The following AP4E1 variants were observed in gnomAD, a reference collection of about 807,000 sequenced individuals.
AP4E1 encodes the protein adaptor related protein complex 4 subunit epsilon 1.
Under a neutral mutation model 128.2 loss-of-function variants are expected in AP4E1, and 56 were observed. The observed-to-expected ratio is 0.44, with a 90% CI of 0.35 to 0.55. The LOEUF (loss-of-function observed/expected upper bound fraction) is 0.55. Among genes scored for constraint, AP4E1 ranks in the 20% least tolerant of loss-of-function variants. The pLI is 0.00. For synonymous variants in AP4E1, 484 were observed against 473.1 expected (o/e 1.02, Z -0.30); for missense variants, 1,324 against 1,307.7 (o/e 1.01, Z -0.19).
chr15:50,957,100 G>A (rs980633392), intron 13 of AP4E1, among the ~76,000 whole-genome samples: 7 of 152,190 alleles, frequency 4.6e-5, no homozygotes, highest in African/African-American at 1.7e-4. Context: ...GACGGCTTAA[G>A]TGTTAACAGC....
At chr15:50,933,669 G>C (rs995378424) in intron 7 of AP4E1, among the ~76,000 whole-genome samples, 54 of 152,158 alleles carry the variant, frequency 3.5e-4, no homozygotes, top group African/African-American at 1.3e-3. Context: ...TTTAGAATGT[G>C]GTTCTGGATT....
chr15:50,934,029 C>CT (rs898453863), intron 7 of AP4E1, among the ~76,000 whole-genome samples: 2 of 151,548 alleles, frequency 1.3e-5, no homozygotes, highest in African/African-American at 2.4e-5. Flanking sequence ...CACTAATGCA[C>CT]TTTTTTTTTC....
chr15:50,969,099 T>C (rs1226633843), intron 15 of AP4E1, among the ~76,000 whole-genome samples: 8 of 152,104 alleles, frequency 5.3e-5, no homozygotes, highest in Non-Finnish European at 2.9e-5. Context: ...GTACAGCTTA[T>C]TTCATCACCC....
Position 50,908,909 on chromosome 15 carries a change from C to A in AP4E1, c.131C>A (p.Thr44Lys). ...CTGGGCAGCCTTGTCCGCGGCATCA[C>A]AGCCCTCACCTCCAAGCACGTAGGT... ...SRLGSLVRGITALTSKHEEEK... is the reference protein window; with the variant it reads ...SRLGSLVRGIKALTSKHEEEK... The change falls in exon 1 of 21, where the codon ACA (threonine) becomes AAA (lysine). Residue 44 changes from threonine (T) to lysine (K), a missense_variant. Physicochemically the swap from Thr to Lys is moderately conservative, Grantham distance 78. Coordinates refer to ENST00000261842, the MANE Select transcript of AP4E1 (RefSeq NM_007347.5). The A allele has an allele frequency of 1.2e-6, 2 of 1,610,956 alleles. No homozygotes were observed.
At chr15:50,921,537 TGAG>T (rs1339646560) in intron 3 of AP4E1, among the ~76,000 whole-genome samples, 1 of 151,290 alleles carries the variant, frequency 6.6e-6, no homozygotes, top group Non-Finnish European at 1.5e-5. Flanking sequence ...TTAATAGAGG[TGAG>T]GTTTCTCACC....
chr15:50,925,334 G>A (rs1458149303), intron 5 of AP4E1, 115 bp downstream of exon 5: 2 of 1,124,930 alleles, frequency 1.8e-6, no homozygotes, highest in African/African-American at 3.1e-5. Context: ...TTGACTGCTA[G>A]GAATAATACA....
chr15:50,938,341 G>T (rs1045878566), intron 8 of AP4E1, among the ~76,000 whole-genome samples: 2 of 152,150 alleles, frequency 1.3e-5, no homozygotes, highest in Non-Finnish European at 2.9e-5. Flanking sequence ...ACTTTTAGAT[G>T]ATAACCCCTC....
At chr15:50,966,913 A>G (rs560944185) in intron 14 of AP4E1, among the ~76,000 whole-genome samples, 1 of 152,284 alleles carries the variant, frequency 6.6e-6, no homozygotes. Flanking sequence ...ATTATTTGCT[A>G]TTCTAAATTA....
At chr15:50,950,306 A>G (rs1274004167) in intron 13 of AP4E1, 137 bp downstream of exon 13, 3 of 616,462 alleles carry the variant, frequency 4.9e-6, no homozygotes, top group East Asian at 2.8e-5. Context: ...GCCACCATCT[A>G]TCACTTAACT....
At chr15:50,947,415 C>CAAA (rs34715973) in intron 10 of AP4E1, among the ~76,000 whole-genome samples, 3 of 117,174 alleles carry the variant, frequency 2.6e-5, no homozygotes, top group East Asian at 2.4e-4. Flanking sequence ...GACCCTGTCT[C>CAAA]AAAAAAAAAA....
intron 8 of AP4E1, among the ~76,000 whole-genome samples, chr15:50,938,636 C>G (rs1407408184): frequency 6.6e-6 from 1 of 152,020 alleles, no homozygotes; most frequent in Non-Finnish European, 1.5e-5. Context: ...TCTTTGTGGC[C>G]AGGGTTCGGA....
chr15:50,987,746 G>A (rs978631747), intron 16 of AP4E1, among the ~76,000 whole-genome samples: 4 of 152,124 alleles, frequency 2.6e-5, no homozygotes, highest in African/African-American at 9.7e-5. Context: ...ATTTTCAAAG[G>A]GAGAGACACA....
In AP4E1 at chr15:51,004,632, A is replaced by T. The variant is rs1344065338; in HGVS notation, c.*1970A>T. On this transcript the variant is annotated 3_prime_UTR_variant, in exon 21 of 21. Transcript: ENST00000261842. ...CATGATTTTGGGTCTGCCCAAAGGAACATGGTGTCACTTTTGTTCTTTCTG... is the reference window on the plus strand; with the variant it reads ...CATGATTTTGGGTCTGCCCAAAGGATCATGGTGTCACTTTTGTTCTTTCTG... 6.6e-6 allele frequency: 1 copy of T among 152,624 alleles called. No individual in the cohort carries two copies. Among genetic ancestry groups the T allele is most frequent in the Non-Finnish European group, 1.5e-5 (1 of 68,044 alleles). The allele number at this position is 152,624 out of a possible 1,614,324, so 9.5% of individuals were successfully genotyped here.
In AP4E1 at chr15:50,929,117, AG is replaced by A; in HGVS notation, c.652del (p.Asp218MetfsTer15). On this transcript the variant is annotated frameshift_variant, in exon 6 of 21. Transcript: ENST00000261842. LOFTEE classifies it high-confidence loss of function. ...AGTTTCGGAAAGCACTTTGTGACAG[AG>A]ATGTTGGGGTCATGGCTGCCTCCTT... ...IKFRKALCDR[D>X]VGVMAASLHI... 6.2e-7 allele frequency: 1 copy of A among 1,613,958 alleles called. No individual in the cohort carries two copies. Among genetic ancestry groups the A allele is most frequent in the Non-Finnish European group, 8.5e-7 (1 of 1,179,938 alleles).
At chr15:50,973,525 T>C (rs528784817) in intron 15 of AP4E1, among the ~76,000 whole-genome samples, 14 of 152,242 alleles carry the variant, frequency 9.2e-5, no homozygotes, top group Non-Finnish European at 2.1e-4. Flanking sequence ...CTAGCACTTA[T>C]TCATCTTGTT....
At chr15:50,926,961 A>G (rs555085567) in intron 5 of AP4E1, among the ~76,000 whole-genome samples, 5 of 152,378 alleles carry the variant, frequency 3.3e-5, no homozygotes, top group Admixed American at 6.5e-5. Context: ...TAAGAATTAC[A>G]GAATAACTTC....
chr15:50,994,976 A>G (rs967317316), intron 17 of AP4E1, among the ~76,000 whole-genome samples: 2 of 152,170 alleles, frequency 1.3e-5, no homozygotes, highest in African/African-American at 4.8e-5. Context: ...TGAAGAGTAG[A>G]AAAAGGAGTG....
intron 13 of AP4E1, among the ~76,000 whole-genome samples, chr15:50,950,809 C>G (rs2064138177): frequency 6.6e-6 from 1 of 152,080 alleles, no homozygotes; most frequent in South Asian, 2.1e-4. Context: ...GTGTGTTGTT[C>G]CCCTCCGTGT....
chr15:50,993,433 G>A lies in AP4E1; in HGVS notation c.2154G>A (p.Lys718=). The change falls in exon 17 of 21, where the codon AAG becomes AAA. Residue 718 remains lysine, a synonymous_variant. Transcript: ENST00000261842. The stretch of plus-strand genomic sequence containing the variant: ...GGGGGAAAGAAGGCTATCTTCCCAA[G>A]AAGGAAAGCAAAACTGGTGATGAAA... ...KLWGKEGYLP[K]KESKTGDESG... is the part of the protein sequence containing the mutation. 1 of 1,613,986 alleles carries A rather than the reference G, an allele frequency of 6.2e-7. No individual in the cohort carries two copies. Among genetic ancestry groups the A allele is most frequent in the Non-Finnish European group, 8.5e-7 (1 of 1,179,966 alleles).
Sources: gnomAD v4.1 joint callset for allele counts (sites outside exome capture counted in the v4.1 genomes callset) on GRCh38, gnomAD v4.1.1 for gene constraint, MANE v1.5 for transcripts, NCBI Gene and HGNC (gene_info 2026-07-23, HGNC 2026-07-21) for gene names.